The following OR52K1 variants were observed in gnomAD, a reference collection of about 807,000 sequenced individuals.
The protein encoded by OR52K1 is olfactory receptor 52K1.
Under a neutral mutation model 8.7 loss-of-function variants are expected in OR52K1, and 10 were observed. The observed-to-expected ratio is 1.15, with a 90% CI of 0.71 to 1.95. The LOEUF (loss-of-function observed/expected upper bound fraction) is 1.95, where lower values mean the gene tolerates loss of function less well. Ranked by LOEUF, OR52K1 falls within the 30% of genes most tolerant of loss-of-function variation. The pLI is 0.00. For synonymous variants in OR52K1, 203 were observed against 148.5 expected (o/e 1.37, Z -2.67); for missense variants, 431 against 397.2 (o/e 1.08, Z -0.72).
rs1460485364 is a variant in OR52K1, at chr11:4,489,031, A to G, written c.131A>G (p.Asn44Ser). Residue 44 changes from asparagine to serine, a missense_variant, in exon 2 of 2, where the codon AAC (asparagine) becomes AGC (serine). By Grantham distance (46) the Asn-to-Ser change is conservative. Transcript: ENST00000641528. ...CFAYTLALLG[N>S]CTLLFIIQAD... ...GCTTATACTCTGGCCCTGCTAGGCA[A>G]CTGTACCCTTCTCTTCATTATCCAG... The G allele has an allele frequency of 5.0e-6, 8 of 1,613,998 alleles. No individual in the cohort carries two copies. In the East Asian group the frequency reaches 1.3e-4, roughly 27 times the overall value.
At chr11:4,484,426 G>A (rs1182099296) in intron 1 of OR52K1, among the ~76,000 whole-genome samples, 1 of 152,080 alleles carries the variant, frequency 6.6e-6, no homozygotes, top group East Asian at 1.9e-4. Context: ...ATATGATGCA[G>A]GAAGAAAAGA....
Position 4,490,199 on chromosome 11 carries a change from C to T in OR52K1, c.*354C>T, listed in dbSNP as rs771253204. The T allele has an allele frequency of 1.9e-5, 4 of 209,272 alleles. No individual in the cohort carries two copies. The highest frequency in any genetic ancestry group is 3.8e-5 in the Non-Finnish European group (4 of 104,076). 13.0% of individuals were successfully genotyped at this position (209,272 alleles called of 1,614,324 possible). ...CACCCAAACAGGTGACTTCTTTATC[C>T]AGGTATGAGTGAGGAAATGTACCTC... On this transcript the variant is annotated 3_prime_UTR_variant, in exon 2 of 2. Coordinates refer to ENST00000641528, the MANE Select transcript of OR52K1 (RefSeq NM_001005171.3).
Position 4,488,894 on chromosome 11 carries a change from A to G in OR52K1, c.-7A>G. The G allele has an allele frequency of 6.2e-7, 1 of 1,604,624 alleles. No homozygotes were observed. Among genetic ancestry groups the G allele is most frequent in the Non-Finnish European group, 8.5e-7 (1 of 1,173,588 alleles). On this transcript the variant is annotated 5_prime_UTR_variant, in exon 2 of 2. Coordinates refer to ENST00000641528, the MANE Select transcript of OR52K1 (RefSeq NM_001005171.3). The stretch of plus-strand genomic sequence containing the variant: ...TGTAAAAATTGACAAGGAGATTTCC[A>G]GGAGCCATGCTTCCCTCTAATATCA...
chr11:4,488,918 C>A lies in OR52K1; in HGVS notation c.18C>A (p.Ile6=), dbSNP rs1174769191. ...CAGGAGCCATGCTTCCCTCTAATATCACCTCAACACATCCAGCTGTCTTTT... is the reference window on the plus strand; with the variant it reads ...CAGGAGCCATGCTTCCCTCTAATATAACCTCAACACATCCAGCTGTCTTTT... MLPSN[I]TSTHPAVFLL... Residue 6 remains isoleucine (I), a synonymous_variant, in exon 2 of 2, where the codon ATC becomes ATA. Transcript: ENST00000641528. 3 of 1,613,358 alleles carry A rather than the reference C, an allele frequency of 1.9e-6. No individual in the cohort carries two copies. The highest frequency in any genetic ancestry group is 2.5e-6 in the Non-Finnish European group (3 of 1,179,620).
chr11:4,486,144 C>T (rs1373818226), intron 1 of OR52K1, among the ~76,000 whole-genome samples: 1 of 152,196 alleles, frequency 6.6e-6, no homozygotes, highest in African/African-American at 2.4e-5. Context: ...TATCCCACCT[C>T]CCACAGTTTC....
Position 4,482,979 on chromosome 11 carries a change from C to G in OR52K1, c.-526C>G. ...GATGCTCTCCCCACCACAGAGGATG[C>G]CTGCTTCCGTCCTATGCCAAACACT... On this transcript the variant is annotated 5_prime_UTR_variant, in exon 1 of 2. Coordinates refer to ENST00000641528, the MANE Select transcript of OR52K1 (RefSeq NM_001005171.3). 2.5e-6 allele frequency: 1 copy of G among 393,890 alleles called. No individual in the cohort carries two copies. Among genetic ancestry groups the G allele is most frequent in the Non-Finnish European group, 4.5e-6 (1 of 223,416 alleles). 24.4% of individuals were successfully genotyped at this position (393,890 alleles called of 1,614,324 possible). A position where few individuals can be genotyped will look rare whatever the true frequency, so the allele number is the denominator to read the frequency against.
At position 4,492,532 on chromosome 11, in the gene OR52K1, A is replaced by G. The variant is rs1455129744; in HGVS notation, c.*2687A>G. On this transcript the variant is annotated 3_prime_UTR_variant, in exon 2 of 2. Coordinates refer to ENST00000641528, the MANE Select transcript of OR52K1 (RefSeq NM_001005171.3). ...TTCACAGCCTTACCCAAGGAGCACC[A>G]ATTGCTGGAGTTGTGAGTTCTATCT... is the stretch of plus-strand genomic sequence containing the variant. 1 of 152,218 alleles carries G rather than the reference A, an allele frequency of 6.6e-6. No individual in the cohort carries two copies. Among genetic ancestry groups the G allele is most frequent in the African/African-American group, 2.4e-5 (1 of 41,462 alleles). The allele number at this position is 152,218 out of a possible 1,614,324, so 9.4% of individuals were successfully genotyped here. A position where few individuals can be genotyped will look rare whatever the true frequency, so the allele number is the denominator to read the frequency against.
At position 4,490,711 on chromosome 11, in the gene OR52K1, A is replaced by G. The variant is rs958996223; in HGVS notation, c.*866A>G. ...TTTTGGTCAGTAATGGATCACCTATATGATGGTGATTGCATAACATTATAG... is the reference window on the plus strand; with the variant it reads ...TTTTGGTCAGTAATGGATCACCTATGTGATGGTGATTGCATAACATTATAG... On this transcript the variant is annotated 3_prime_UTR_variant, in exon 2 of 2. Transcript: ENST00000641528. 3 of 152,220 alleles carry G rather than the reference A, an allele frequency of 2.0e-5. No individual in the cohort carries two copies. Among genetic ancestry groups the G allele is most frequent in the Admixed American group, 6.5e-5 (1 of 15,286 alleles). The allele number at this position is 152,220 out of a possible 1,614,324, so 9.4% of individuals were successfully genotyped here.
At chr11:4,483,207 T>A in intron 1 of OR52K1, 31 bp downstream of exon 1, 1 of 398,634 alleles carries the variant, frequency 2.5e-6, no homozygotes, top group Non-Finnish European at 4.4e-6. Flanking sequence ...GAGGTTCTTC[T>A]ACCAGAAGCA....
chr11:4,483,475 T>A (rs146716224), intron 1 of OR52K1, among the ~76,000 whole-genome samples: 23 of 152,264 alleles, frequency 1.5e-4, no homozygotes, highest in African/African-American at 5.5e-4. Flanking sequence ...AGTTTCTGGA[T>A]ATTAGGGGAA....
chr11:4,484,540 C>T (rs914394865), intron 1 of OR52K1, among the ~76,000 whole-genome samples: 1 of 151,980 alleles, frequency 6.6e-6, no homozygotes, highest in Non-Finnish European at 1.5e-5. Context: ...ATGATTTCTG[C>T]CTCAGGCATG....
intron 1 of OR52K1, among the ~76,000 whole-genome samples, chr11:4,487,038 C>T (rs113959691): frequency 1.1e-4 from 16 of 152,196 alleles, no homozygotes; most frequent in African/African-American, 3.6e-4. Flanking sequence ...GTGATAAGGG[C>T]ACCATCATCA....
intron 1 of OR52K1, among the ~76,000 whole-genome samples, chr11:4,484,833 GACACACACACACAC>G (rs57428088): frequency 5.3e-5 from 6 of 113,676 alleles, no homozygotes; most frequent in East Asian, 5.8e-4. Flanking sequence ...AAAACACACA[GACACACACACACAC>G]ACACACACAC....
rs1478019515 is a variant in OR52K1 at position 4,489,223 on chromosome 11, C to G, written c.323C>G (p.Ser108Cys). ...ACLVQMFFLHSFSIMESAVLL... is the reference protein window; with the variant it reads ...ACLVQMFFLHCFSIMESAVLL... Reference sequence around the variant, plus strand: ...CTGGTCCAGATGTTCTTCCTTCACTCCTTCTCCATCATGGAGTCAGCAGTG... The same window carrying G: ...CTGGTCCAGATGTTCTTCCTTCACTGCTTCTCCATCATGGAGTCAGCAGTG... The change falls in exon 2 of 2, where the codon TCC becomes TGC. Residue 108 changes from serine (S) to cysteine (C), a missense_variant. Coordinates refer to ENST00000641528, the MANE Select transcript of OR52K1 (RefSeq NM_001005171.3). The G allele has an allele frequency of 6.2e-7, 1 of 1,614,034 alleles. No individual in the cohort carries two copies. The highest frequency in any genetic ancestry group is 2.2e-5 in the East Asian group (1 of 44,890).
chr11:4,485,961 G>A (rs1186334273), intron 1 of OR52K1, among the ~76,000 whole-genome samples: 2 of 152,092 alleles, frequency 1.3e-5, no homozygotes, highest in Non-Finnish European at 2.9e-5. Flanking sequence ...TATGTCTTGG[G>A]GCATTTTCTC....
chr11:4,488,683 T>G lies in OR52K1; in HGVS notation c.-218T>G. 5.5e-6 allele frequency: 3 copies of G among 547,538 alleles called. No homozygotes were observed. Among genetic ancestry groups the G allele is most frequent in the Non-Finnish European group, 6.4e-6 (2 of 310,144 alleles). 33.9% of individuals were successfully genotyped at this position (547,538 alleles called of 1,614,324 possible). A position where few individuals can be genotyped will look rare whatever the true frequency, so the allele number is the denominator to read the frequency against. The stretch of plus-strand genomic sequence containing the variant: ...TAGAATTGATATCCCATCTACTCAA[T>G]GAGATTCAAATTTCTTTGAGGGTAG... On this transcript the variant is annotated 5_prime_UTR_variant, in exon 2 of 2. An upstream start codon of the reference 5' UTR is lost. Coordinates refer to ENST00000641528, the MANE Select transcript of OR52K1 (RefSeq NM_001005171.3).
At chr11:4,488,393 G>C (rs1419409597) in intron 1 of OR52K1, among the ~76,000 whole-genome samples, 180 bp from the exon 2 acceptor site, 1 of 152,182 alleles carries the variant, frequency 6.6e-6, no homozygotes, top group African/African-American at 2.4e-5. Context: ...TATGCAGATT[G>C]TGTGATTAAT....
chr11:4,487,929 A>T (rs1017267461), intron 1 of OR52K1, among the ~76,000 whole-genome samples: 1 of 152,192 alleles, frequency 6.6e-6, no homozygotes, highest in African/African-American at 2.4e-5. Context: ...AAGAACAATG[A>T]CCAGAACAAG....
chr11:4,488,952 G>T lies in OR52K1; in HGVS notation c.52G>T (p.Gly18Ter), dbSNP rs182242383. 13 of 1,614,056 alleles carry T rather than the reference G, an allele frequency of 8.1e-6. No homozygotes were observed. In the East Asian group the frequency reaches 2.9e-4, roughly 36 times the overall value. Residue 18 changes from glycine to a stop codon, truncating the protein, a stop_gained, in exon 2 of 2, where the codon GGA becomes TGA. Coordinates refer to ENST00000641528, the MANE Select transcript of OR52K1 (RefSeq NM_001005171.3). LOFTEE classifies it high-confidence loss of function. ...ACATCCAGCTGTCTTTTTGTTGGTA[G>T]GAATTCCTGGTTTGGAACACCTGCA... is the stretch of plus-strand genomic sequence containing the variant. ...STHPAVFLLV[G>*]IPGLEHLHAW...
Sources: allele counts gnomAD v4.1 joint callset (sites outside exome capture counted in the v4.1 genomes callset), GRCh38; gene constraint gnomAD v4.1.1; transcripts MANE v1.5; gene names NCBI Gene and HGNC (gene_info 2026-07-23, HGNC 2026-07-21).